Variants in RSU1 observed in about 807,000 individuals in gnomAD.
RSU1 encodes the protein rsu-1.
In RSU1, 26 loss-of-function variants were observed where a neutral mutation model predicts 31.1. The ratio of observed to expected loss-of-function variants is 0.84; its 90% CI spans 0.61 to 1.16. The LOEUF is 1.16. Among genes scored for constraint, RSU1 ranks in the 50% most tolerant of loss-of-function variants. RSU1 has a pLI of 0.00. For synonymous variants in RSU1, 164 were observed against 136.3 expected (o/e 1.20, Z -1.41); for missense variants, 320 against 339.1 (o/e 0.94, Z 0.44).
chr10:16,731,239 T>C (rs1836505447), intron 7 of RSU1, among the ~76,000 whole-genome samples: 1 of 152,060 alleles, frequency 6.6e-6, no homozygotes, highest in African/African-American at 2.4e-5. Context: ...TTAAAAGTAC[T>C]GTGGCAAATG....
chr10:16,616,317 G>A (rs1250003081), intron 8 of RSU1, among the ~76,000 whole-genome samples: 2 of 126,622 alleles, frequency 1.6e-5, no homozygotes, highest in Admixed American at 1.0e-4. Context: ...CCAAATCTCT[G>A]AAGAGACCAA....
chr10:16,648,995 T>C (rs968821404), intron 8 of RSU1, among the ~76,000 whole-genome samples: 4 of 152,190 alleles, frequency 2.6e-5, no homozygotes, highest in Non-Finnish European at 5.9e-5. Context: ...AGATACTCTA[T>C]AAAATGATTC....
intron 8 of RSU1, among the ~76,000 whole-genome samples, chr10:16,650,532 C>A (rs1046454140): frequency 1.4e-5 from 2 of 147,408 alleles, no homozygotes; most frequent in Admixed American, 6.7e-5. Context: ...AGAAGCAGAT[C>A]TAACTAAAAC....
chr10:16,716,317 G>C (rs577196375), intron 7 of RSU1, among the ~76,000 whole-genome samples: 1 of 152,308 alleles, frequency 6.6e-6, no homozygotes, highest in African/African-American at 2.4e-5. Context: ...GGAGCTCTTG[G>C]AGTTGAGGTG....
chr10:16,626,401 G>A (rs1263316280), intron 8 of RSU1, among the ~76,000 whole-genome samples: 1 of 152,070 alleles, frequency 6.6e-6, no homozygotes, highest in Non-Finnish European at 1.5e-5. Context: ...TGTTGCCCAG[G>A]CTGGTCTTGA....
At chr10:16,639,384 C>T (rs1834400861) in intron 8 of RSU1, among the ~76,000 whole-genome samples, 1 of 152,202 alleles carries the variant, frequency 6.6e-6, no homozygotes, top group Admixed American at 6.5e-5. Context: ...ACTATTATAT[C>T]TTCTAATACT....
chr10:16,781,541 A>T (rs1234693578), intron 3 of RSU1, among the ~76,000 whole-genome samples: 2 of 152,250 alleles, frequency 1.3e-5, no homozygotes, highest in Non-Finnish European at 2.9e-5. Context: ...TAACAATTTC[A>T]AGTTTTCAAT....
chr10:16,592,573 T>C lies in RSU1; in HGVS notation c.*821A>G, dbSNP rs1255180268. ...GTGACAAAATACACAGTTGAGGTTT[T>C]TTCTCTCTCTCTTTCACAGTTCTTG... On this transcript the variant is annotated 3_prime_UTR_variant, in exon 9 of 9. Coordinates refer to ENST00000345264, the MANE Select transcript of RSU1 (RefSeq NM_012425.4). 6.6e-6 allele frequency: 1 copy of C among 152,200 alleles called. No homozygotes were observed. Among genetic ancestry groups the C allele is most frequent in the African/African-American group, 2.4e-5 (1 of 41,452 alleles). The allele number at this position is 152,200 out of a possible 1,614,324, so 9.4% of individuals were successfully genotyped here.
chr10:16,817,082 G>A lies in RSU1; in HGVS notation c.-1C>T, dbSNP rs1360821463. On this transcript the variant is annotated splice_region_variant and 5_prime_UTR_variant, in exon 2 of 9. Transcript: ENST00000345264. ...CCAACTTCTTCAGAGACTTGGACAT[G>A]GTCTGCACCGAACAACAACAAAGCA... 4 of 1,608,612 alleles carry A rather than the reference G, an allele frequency of 2.5e-6. No individual in the cohort carries two copies. Among genetic ancestry groups the A allele is most frequent in the South Asian group, 2.2e-5 (2 of 90,974 alleles).
chr10:16,760,735 T>C (rs73606864), intron 4 of RSU1, among the ~76,000 whole-genome samples: 8,707 of 152,098 alleles, frequency 0.057, 800 homozygotes, highest in African/African-American at 0.2. Context: ...ATATTTTTCA[T>C]ATAAAATCCC....
At chr10:16,644,905 T>G (rs1834507947) in intron 8 of RSU1, among the ~76,000 whole-genome samples, 1 of 152,216 alleles carries the variant, frequency 6.6e-6, no homozygotes, top group South Asian at 2.1e-4. Context: ...TATTTTTTCA[T>G]GAAAGCATTC....
chr10:16,620,855 A>T (rs1312469301), intron 8 of RSU1, among the ~76,000 whole-genome samples: 2 of 152,102 alleles, frequency 1.3e-5, no homozygotes, highest in African/African-American at 4.8e-5. Flanking sequence ...AAAAAAAAAA[A>T]AAAGTCTCAA....
At position 16,789,260 on chromosome 10, in the gene RSU1, G is replaced by A. The variant is rs564579891; in HGVS notation, c.110-7176C>T. The stretch of plus-strand genomic sequence containing the variant: ...GAGAAATTCAGTCGTTGCTTCAGCC[G>A]ATCACACCACTAGAATGTATTTTTC... On this transcript the variant is annotated intron_variant, in intron 2 of 8. Transcript: ENST00000345264. 4.7e-4 allele frequency among the ~76,000 whole-genome samples: 71 copies of A among 152,218 alleles called. 1 individual carries two copies. Among genetic ancestry groups the A allele is most frequent in the Admixed American group, 5.2e-4 (8 of 15,294 alleles).
At chr10:16,658,695 A>G (rs1834833449) in intron 8 of RSU1, among the ~76,000 whole-genome samples, 1 of 152,180 alleles carries the variant, frequency 6.6e-6, no homozygotes, top group South Asian at 2.1e-4. Flanking sequence ...CTGACCTCTA[A>G]CCTGGGTGAC....
At chr10:16,606,682 G>A (rs1833810941) in intron 8 of RSU1, among the ~76,000 whole-genome samples, 1 of 152,200 alleles carries the variant, frequency 6.6e-6, no homozygotes, top group African/African-American at 2.4e-5. Context: ...ATCACGTGAA[G>A]GAAACCATGT....
At chr10:16,735,177 T>C (rs1435795143) in intron 7 of RSU1, among the ~76,000 whole-genome samples, 1 of 152,230 alleles carries the variant, frequency 6.6e-6, no homozygotes, top group African/African-American at 2.4e-5. Context: ...TAATAGTGCA[T>C]TAACAGATAA....
chr10:16,782,149 G>C (rs1837666852), intron 2 of RSU1, 65 bp from the exon 3 acceptor site: 1 of 1,318,916 alleles, frequency 7.6e-7, no homozygotes, highest in East Asian at 2.3e-5. Context: ...GATTCTACCT[G>C]TACTCCTACA....
intron 8 of RSU1, among the ~76,000 whole-genome samples, chr10:16,630,197 C>T (rs906002485): frequency 6.6e-6 from 1 of 152,120 alleles, no homozygotes; most frequent in African/African-American, 2.4e-5. Context: ...GTGCAAGCCA[C>T]CGCCCTGGCC....
At chr10:16,731,684 C>T (rs1367449232) in intron 7 of RSU1, among the ~76,000 whole-genome samples, 4 of 152,160 alleles carry the variant, frequency 2.6e-5, no homozygotes, top group African/African-American at 4.8e-5. Flanking sequence ...TTAAAATCTT[C>T]GTTAATCGAT....
Sources: gnomAD v4.1 joint callset for allele counts (sites outside exome capture counted in the v4.1 genomes callset) on GRCh38, gnomAD v4.1.1 for gene constraint, MANE v1.5 for transcripts, NCBI Gene and HGNC (gene_info 2026-07-23, HGNC 2026-07-21) for gene names.